Variants in PARP14 observed in about 807,000 individuals in gnomAD.
The protein encoded by PARP14 is poly(ADP-ribose) polymerase family member 14.
In PARP14, 59 loss-of-function variants were observed where a neutral mutation model predicts 154.2. The ratio of observed to expected loss-of-function variants is 0.38; its 90% CI spans 0.31 to 0.48. The LOEUF is 0.48. PARP14 is among the 20% of genes least tolerant of loss of function. The pLI is 0.98. For synonymous variants in PARP14, 720 were observed against 780.5 expected, an observed-to-expected ratio of 0.92 and a Z score of 1.29; for missense variants, 1,734 against 2,131.6, an observed-to-expected ratio of 0.81 and a Z score of 3.67.
At chr3:122,691,379 G>T (rs1439327931) in intron 3 of PARP14, among the ~76,000 whole-genome samples, 1 of 152,218 alleles carries the variant, frequency 6.6e-6, no homozygotes, top group East Asian at 1.9e-4. Flanking sequence ...TTGTGTGTAT[G>T]TGTAACTCAT....
chr3:122,700,810 G>C lies in PARP14; in HGVS notation c.2256G>C (p.Gln752His). The C allele has an allele frequency of 1.2e-6, 2 of 1,613,854 alleles. No individual in the cohort carries two copies. Among genetic ancestry groups the C allele is most frequent in the African/African-American group, 1.3e-5 (1 of 75,028 alleles). The stretch of plus-strand genomic sequence containing the variant: ...ATACTGATAAGCCAGGAGCCAAGCA[G>C]TTCTTCCAGGATAAAGCACGGTTTT... ...SVHTDKPGAK[Q>H]FFQDKARFYQ... The change falls in exon 6 of 17, where the codon CAG (glutamine) becomes CAC (histidine). Residue 752 changes from glutamine to histidine, a missense_variant. By Grantham distance (24) the Gln-to-His change is conservative (BLOSUM62 0). This residue lies in a region of PARP14 where 1,646 missense variants were observed against 1,976.0 expected (regional missense o/e 0.83). Coordinates refer to ENST00000474629, the MANE Select transcript of PARP14 (RefSeq NM_017554.3).
chr3:122,710,779 T>C (rs543189756), intron 9 of PARP14, among the ~76,000 whole-genome samples: 56 of 149,980 alleles, frequency 3.7e-4, no homozygotes, highest in African/African-American at 1.2e-3. Context: ...TGGTTAAGTA[T>C]ATTCCTAGGT....
chr3:122,713,548 A>C lies in PARP14; in HGVS notation c.3744A>C (p.Thr1248=). The C allele has an allele frequency of 6.2e-7, 1 of 1,613,784 alleles. No homozygotes were observed. Among genetic ancestry groups the C allele is most frequent in the South Asian group, 1.1e-5 (1 of 91,072 alleles). The change falls in exon 10 of 17, where the codon ACA becomes ACC. Residue 1248 remains threonine, a synonymous_variant. Transcript: ENST00000474629. ...KEEADVIVNS[T]SNSFNLKAGV... is the part of the protein sequence containing the mutation. ...AGGCAGATGTGATTGTAAATTCAAC[A>C]TCAAACTCATTCAATCTCAAAGCAG...
chr3:122,707,111 A>G (rs1049212507), intron 8 of PARP14, among the ~76,000 whole-genome samples: 1 of 152,156 alleles, frequency 6.6e-6, no homozygotes, highest in African/African-American at 2.4e-5. Flanking sequence ...GCTTTTTTTT[A>G]CATATGTACT....
In PARP14 at chr3:122,685,453, A is replaced by G. The variant is rs1214234767; in HGVS notation, c.321+135A>G. ...AGCGAGAAAAGCAGATTACAAATGT[A>G]GGGGGAGTGAGGGCAGTGGTAGGGT... On this transcript the variant is annotated intron_variant, in intron 2 of 16. Coordinates refer to ENST00000474629, the MANE Select transcript of PARP14 (RefSeq NM_017554.3). 1.8e-5 allele frequency: 13 copies of G among 733,030 alleles called. No homozygotes were observed. In the South Asian group the frequency reaches 2.1e-4, roughly 12 times the overall value. The allele number at this position is 733,030 out of a possible 1,614,324, so 45.4% of individuals were successfully genotyped here.
intron 3 of PARP14, among the ~76,000 whole-genome samples, chr3:122,690,932 A>G (rs1359274736): frequency 6.6e-6 from 1 of 152,188 alleles, no homozygotes; most frequent in Non-Finnish European, 1.5e-5. Flanking sequence ...CCACCCTTTG[A>G]CACCATTATC....
chr3:122,700,387 C>G lies in PARP14; in HGVS notation c.1833C>G (p.Gly611=). 1 of 1,613,814 alleles carries G rather than the reference C, an allele frequency of 6.2e-7. No homozygotes were observed. The highest frequency in any genetic ancestry group is 8.5e-7 in the Non-Finnish European group (1 of 1,179,812). Reference sequence around the variant, plus strand: ...TTGAGAACAAAGAAGTTCTTCATGGCAAGAAATGGAAAGGGCTCACTCACA... The same window carrying G: ...TTGAGAACAAAGAAGTTCTTCATGGGAAGAAATGGAAAGGGCTCACTCACA... The part of the protein sequence containing the change: ...IEVENKEVLH[G]KKWKGLTHNL... The change falls in exon 6 of 17, where the codon GGC becomes GGG. Residue 611 remains glycine (G), a synonymous_variant. Transcript: ENST00000474629.
chr3:122,728,250 C>A, intron 16 of PARP14, 58 bp from the exon 17 acceptor site: 1 of 1,424,004 alleles, frequency 7.0e-7, no homozygotes, highest in Non-Finnish European at 9.8e-7. Context: ...CAGATTGGGC[C>A]AACATATCAA....
Position 122,728,139 on chromosome 3 carries a change from A to G in PARP14, c.5116+153A>G, listed in dbSNP as rs1481749211. On this transcript the variant is annotated intron_variant, in intron 16 of 16. Transcript: ENST00000474629. ...GTAGGACTCACTGTATTTCATCCCA[A>G]AGGGGATTGACTGGCCCTTCTAGGT... is the stretch of plus-strand genomic sequence containing the variant. Among the ~76,000 whole-genome samples the G allele has an allele frequency of 2.0e-5, 3 of 152,324 alleles. No individual in the cohort carries two copies. In the East Asian group the frequency reaches 5.8e-4, roughly 29 times the overall value.
At position 122,713,583 on chromosome 3, in the gene PARP14, C is replaced by T. The variant is rs757401289; in HGVS notation, c.3769+10C>T. 4 of 1,611,740 alleles carry T rather than the reference C, an allele frequency of 2.5e-6. No homozygotes were observed. The highest frequency in any genetic ancestry group is 3.4e-6 in the Non-Finnish European group (4 of 1,178,148). ...TTCAATCTCAAAGCAGGTACTTGTA[C>T]AATTTTGATGAGTGCAATAGTTAAT... On this transcript the variant is annotated intron_variant, in intron 10 of 16. Coordinates refer to ENST00000474629, the MANE Select transcript of PARP14 (RefSeq NM_017554.3).
chr3:122,706,593 A>G (rs1939157766), intron 8 of PARP14, among the ~76,000 whole-genome samples: 1 of 152,072 alleles, frequency 6.6e-6, no homozygotes, highest in Non-Finnish European at 1.5e-5. Context: ...GGTGTTCTCT[A>G]GTTCTCCATA....
chr3:122,714,257 C>T lies in PARP14; in HGVS notation c.3833-5C>T. ...ATTTTGCATCTTTTTGTCTGTGTTT[C>T]CCAGCTCAGCAGCGCAAAAATGATT... On this transcript the variant is annotated splice_region_variant and splice_polypyrimidine_tract_variant and intron_variant, in intron 11 of 16. Coordinates refer to ENST00000474629, the MANE Select transcript of PARP14 (RefSeq NM_017554.3). The T allele has an allele frequency of 6.3e-7, 1 of 1,586,604 alleles. No homozygotes were observed. The highest frequency in any genetic ancestry group is 8.5e-7 in the Non-Finnish European group (1 of 1,171,788).
chr3:122,726,946 T>C (rs1256441290), intron 15 of PARP14, among the ~76,000 whole-genome samples: 1 of 131,360 alleles, frequency 7.6e-6, no homozygotes, highest in African/African-American at 3.0e-5. Context: ...GCCGAGACTT[T>C]GAATTAGAGT....
intron 2 of PARP14, among the ~76,000 whole-genome samples, 158 bp downstream of exon 2, chr3:122,685,476 G>T (rs1004134234): frequency 1.3e-5 from 2 of 151,970 alleles, no homozygotes; most frequent in African/African-American, 4.8e-5. Context: ...GCAGTGGTAG[G>T]GTAGGGTAGT....
chr3:122,681,846 G>A lies in PARP14; in HGVS notation c.187+776G>A, dbSNP rs531136719. 7.8e-4 allele frequency among the ~76,000 whole-genome samples: 119 copies of A among 152,290 alleles called. No homozygotes were observed. Among genetic ancestry groups the A allele is most frequent in the African/African-American group, 2.8e-3 (116 of 41,566 alleles). Reference sequence around the variant, plus strand: ...GATCTGCTGGCTCAAGGGCCTCCCTGGTCTGCAATGGGAAGCCAGTGACCT... The same window carrying A: ...GATCTGCTGGCTCAAGGGCCTCCCTAGTCTGCAATGGGAAGCCAGTGACCT... On this transcript the variant is annotated intron_variant, in intron 1 of 16. Coordinates refer to ENST00000474629, the MANE Select transcript of PARP14 (RefSeq NM_017554.3). The surrounding 1 kb of genome is among the most constrained non-coding windows in gnomAD (Gnocchi z 5.5).
chr3:122,725,666 A>G (rs1410374794), intron 15 of PARP14, among the ~76,000 whole-genome samples: 1 of 152,092 alleles, frequency 6.6e-6, no homozygotes. Context: ...TAATCTTATA[A>G]TAAGTGTATA....
rs1214922319 is a variant in PARP14, at chr3:122,727,798, T to C, written c.4942-14T>C. ...CTTGGAACTGGCAGAATATTATCCT[T>C]TATTAATTTGCAGATTGAGAGGATC... On this transcript the variant is annotated splice_polypyrimidine_tract_variant and intron_variant, in intron 15 of 16. Transcript: ENST00000474629. 1 of 1,566,882 alleles carries C rather than the reference T, an allele frequency of 6.4e-7. No individual in the cohort carries two copies. Among genetic ancestry groups the C allele is most frequent in the African/African-American group, 1.4e-5 (1 of 73,056 alleles).
At chr3:122,697,145 A>G (rs790100) in intron 5 of PARP14, among the ~76,000 whole-genome samples, 92,440 of 151,866 alleles carry the variant, frequency 0.61, 30,360 homozygotes, top group African/African-American at 0.86. Context: ...GTAGAGATGG[A>G]GTTTCGCCAT....
At position 122,685,216 on chromosome 3, in the gene PARP14, T is replaced by C. The variant is rs1263205610; in HGVS notation, c.219T>C (p.His73=). The stretch of plus-strand genomic sequence containing the variant: ...AGAAGGTTCTGGAGAGAAAAAATCA[T>C]GAGTTGGTATGGCAAGGAAAAGGAA... ...VRQKVLERKN[H]ELVWQGKGTF... is the part of the protein sequence containing the mutation. The change falls in exon 2 of 17, where the codon CAT becomes CAC. Residue 73 remains histidine, a synonymous_variant. Transcript: ENST00000474629. The C allele has an allele frequency of 1.2e-6, 2 of 1,613,820 alleles. No individual in the cohort carries two copies. The highest frequency in any genetic ancestry group is 1.7e-6 in the Non-Finnish European group (2 of 1,179,836).
Sources: gnomAD v4.1 joint callset for allele counts (sites outside exome capture counted in the v4.1 genomes callset) on GRCh38, gnomAD v4.1.1 for gene constraint, gnomAD v4.1.1 regional missense constraint, Gnocchi (gnomAD v3.1) non-coding constraint, MANE v1.5 for transcripts, NCBI Gene and HGNC (gene_info 2026-07-23, HGNC 2026-07-21) for gene names.